Variants in VTI1B observed in about 807,000 individuals in gnomAD.
VTI1B encodes vesicle transport through interaction with t-SNAREs homolog 1B.
In VTI1B, 18 loss-of-function variants were observed where a neutral mutation model predicts 28.6. That is an observed-to-expected ratio of 0.63 (90% CI 0.43 to 0.93). The LOEUF is 0.93. Ranked by LOEUF, VTI1B falls within the 40% of genes least tolerant of loss-of-function variation. The probability of loss-of-function intolerance (pLI) is 0.00; values close to 1 mark genes in which losing one functional copy is unlikely to be tolerated. For missense variants in VTI1B, 283 were observed against 297.0 expected, an observed-to-expected ratio of 0.95 and a Z score of 0.35; for synonymous variants, 100 against 107.9, an observed-to-expected ratio of 0.93 and a Z score of 0.46.
At position 67,671,879 on chromosome 14, in the gene VTI1B, G is replaced by A. The variant is rs143569413; in HGVS notation, c.115+2496C>T. ...CTCTCAACAACCAAGCCACTCTCAG[G>A]ATAACAATCTAATCTCTGAGGATGG... On this transcript the variant is annotated intron_variant, in intron 1 of 5. Transcript: ENST00000554659. 3.3e-3 allele frequency among the ~76,000 whole-genome samples: 498 copies of A among 152,212 alleles called. 3 individuals are homozygous for A. Among genetic ancestry groups the A allele is most frequent in the African/African-American group, 0.012 (482 of 41,528 alleles).
At chr14:67,668,773 T>C (rs1211771298) in intron 1 of VTI1B, among the ~76,000 whole-genome samples, 1 of 152,212 alleles carries the variant, frequency 6.6e-6, no homozygotes, top group African/African-American at 2.4e-5. Context: ...AACTTTCTGA[T>C]TCAATAGGTC....
chr14:67,667,125 T>G (rs1016324933), intron 1 of VTI1B, among the ~76,000 whole-genome samples: 4 of 152,044 alleles, frequency 2.6e-5, no homozygotes, highest in Admixed American at 2.0e-4. Context: ...GGAAACTGGG[T>G]GGATGCTGAC....
intron 5 of VTI1B, 43 bp downstream of exon 5, chr14:67,653,394 G>A (rs1286815337): frequency 1.3e-6 from 2 of 1,574,242 alleles, no homozygotes; most frequent in African/African-American, 1.4e-5. Context: ...TTGGTTGAAA[G>A]CCACTGAGTT....
chr14:67,650,475 G>T lies in VTI1B; in HGVS notation c.*910C>A, dbSNP rs1375233162. 1.1e-5 allele frequency: 6 copies of T among 535,072 alleles called. No individual in the cohort carries two copies. In the East Asian group the frequency reaches 1.3e-4, roughly 11 times the overall value. 33.1% of individuals were successfully genotyped at this position (535,072 alleles called of 1,614,324 possible). On this transcript the variant is annotated 3_prime_UTR_variant, in exon 6 of 6. Transcript: ENST00000554659. ...TTATGCCTGTTATGTTAGTTGAACA[G>T]GGATGGTTTATTTCATTATCTTAAA...
chr14:67,667,987 T>G (rs529754116), intron 1 of VTI1B, among the ~76,000 whole-genome samples: 1 of 152,200 alleles, frequency 6.6e-6, no homozygotes, highest in Admixed American at 6.5e-5. Context: ...GGAGTTAGAA[T>G]AGTTAAAATT....
intron 3 of VTI1B, 83 bp downstream of exon 3, chr14:67,659,648 T>C (rs1008397312): frequency 1.0e-5 from 14 of 1,387,270 alleles, no homozygotes; most frequent in Admixed American, 2.5e-5. Flanking sequence ...ACTGATAACA[T>C]GAAATACCCC....
chr14:67,663,778 T>C (rs1360270395), intron 1 of VTI1B, among the ~76,000 whole-genome samples: 1 of 152,166 alleles, frequency 6.6e-6, no homozygotes, highest in Admixed American at 6.5e-5. Context: ...CTGGTAAACA[T>C]TTGTATGGGG....
At chr14:67,665,259 CT>C (rs574618223) in intron 1 of VTI1B, among the ~76,000 whole-genome samples, 12,897 of 126,388 alleles carry the variant, frequency 0.1, 789 homozygotes, top group African/African-American at 0.22. Context: ...TCAGTTATAT[CT>C]TTTTTTTTTT....
rs78438231 is a variant in VTI1B, at chr14:67,656,514, G to T, written c.442C>A (p.Arg148Ser). Residue 148 changes from arginine to serine, a missense_variant, in exon 4 of 6, where the codon CGT (arginine) becomes AGT (serine). Coordinates refer to ENST00000554659, the MANE Select transcript of VTI1B (RefSeq NM_006370.3). Reference protein sequence around the residue: ...SLNRATQSIERSHRIATETDQ... With the variant: ...SLNRATQSIESSHRIATETDQ... The stretch of plus-strand genomic sequence containing the variant: ...GTCTCTGTGGCAATCCGATGAGAAC[G>T]TTCAATACTTTGGGTGGCCCGGTTC... 4.3e-6 allele frequency: 7 copies of T among 1,613,882 alleles called. No homozygotes were observed. In the African/African-American group the frequency reaches 9.3e-5, roughly 22 times the overall value.
chr14:67,653,546 T>C lies in VTI1B; in HGVS notation c.541-48A>G, dbSNP rs1338261510. ...ATTTCCCTCTTTAAAAAGTATACTC[T>C]GTACAATTGAATATCCCTAGATTAA... is the stretch of plus-strand genomic sequence containing the variant. On this transcript the variant is annotated intron_variant, in intron 4 of 5. Transcript: ENST00000554659. The C allele has an allele frequency of 2.6e-6, 4 of 1,526,290 alleles. No homozygotes were observed. The East Asian group carries it at 9.0e-5, about 34-fold the overall frequency. 94.5% of individuals were successfully genotyped at this position (1,526,290 alleles called of 1,614,324 possible).
At chr14:67,656,316 A>G in intron 4 of VTI1B, 100 bp downstream of exon 4, 1 of 1,141,620 alleles carries the variant, frequency 8.8e-7, no homozygotes. Flanking sequence ...TATTCCCTGA[A>G]TACAGAACTG....
At position 67,659,864 on chromosome 14, in the gene VTI1B, A is replaced by C; in HGVS notation, c.233T>G (p.Met78Arg). The C allele has an allele frequency of 7.4e-6, 12 of 1,614,186 alleles. No homozygotes were observed. Among genetic ancestry groups the C allele is most frequent in the Non-Finnish European group, 1.0e-5 (12 of 1,180,030 alleles). Residue 78 changes from methionine to arginine, a missense_variant, in exon 3 of 6, where the codon ATG becomes AGG. Transcript: ENST00000554659. Reference protein sequence around the residue: ...YAPLSFRNPMMSKLRNYRKDL... With the variant: ...YAPLSFRNPMRSKLRNYRKDL... ...CTTCCGGTAGTTTCGAAGCTTAGAC[A>C]TCATGGGGTTTCGGAAAGACAGGGG...
In VTI1B at chr14:67,651,115, C is replaced by A; in HGVS notation, c.*270G>T. On this transcript the variant is annotated 3_prime_UTR_variant, in exon 6 of 6. Coordinates refer to ENST00000554659, the MANE Select transcript of VTI1B (RefSeq NM_006370.3). ...TAAATGTATTTGGTTTTTTGCAGTT[C>A]ACAGGGTATTAATATGCTACAGTAC... The A allele has an allele frequency of 1.1e-6, 1 of 914,630 alleles. No individual in the cohort carries two copies. Among genetic ancestry groups the A allele is most frequent in the Non-Finnish European group, 1.6e-6 (1 of 617,744 alleles). The allele number at this position is 914,630 out of a possible 1,614,324, so 56.7% of individuals were successfully genotyped here. A position where few individuals can be genotyped will look rare whatever the true frequency, so the allele number is the denominator to read the frequency against.
In VTI1B at chr14:67,650,569, C is replaced by A. The variant is rs1430137497; in HGVS notation, c.*816G>T. On this transcript the variant is annotated 3_prime_UTR_variant, in exon 6 of 6. Coordinates refer to ENST00000554659, the MANE Select transcript of VTI1B (RefSeq NM_006370.3). Reference sequence around the variant, plus strand: ...AATTCATGGCCAAGAGGATGAGGTGCAAGGGGCTTCCTAAAAATAGGTATT... The same window carrying A: ...AATTCATGGCCAAGAGGATGAGGTGAAAGGGGCTTCCTAAAAATAGGTATT... The A allele has an allele frequency of 3.0e-6, 2 of 674,846 alleles. No homozygotes were observed. The highest frequency in any genetic ancestry group is 5.2e-6 in the Non-Finnish European group (2 of 384,930). The allele number at this position is 674,846 out of a possible 1,614,324, so 41.8% of individuals were successfully genotyped here.
At chr14:67,661,566 T>G (rs978756929) in intron 2 of VTI1B, among the ~76,000 whole-genome samples, 2 of 133,720 alleles carry the variant, frequency 1.5e-5, no homozygotes, top group African/African-American at 5.7e-5. Context: ...CAGGTCTCAC[T>G]CTGTCACCCA....
intron 1 of VTI1B, among the ~76,000 whole-genome samples, chr14:67,667,842 G>A (rs554079705): frequency 3.3e-5 from 5 of 152,240 alleles, no homozygotes; most frequent in Admixed American, 3.3e-4. Context: ...TACTCGGGAG[G>A]CTGAGGCAGA....
intron 4 of VTI1B, among the ~76,000 whole-genome samples, chr14:67,655,967 C>T (rs1266799373): frequency 1.3e-5 from 2 of 152,120 alleles, no homozygotes; most frequent in African/African-American, 2.4e-5. Flanking sequence ...GCAAAGCGGC[C>T]GGGCACAGTG....
intron 5 of VTI1B, 145 bp from the exon 6 acceptor site, chr14:67,651,626 G>T: frequency 2.4e-6 from 2 of 849,288 alleles, no homozygotes; most frequent in Non-Finnish European, 3.5e-6. Context: ...GTACTCATAA[G>T]GTTCTTTAGC....
rs190788661 is a variant in VTI1B at position 67,673,173 on chromosome 14, T to C, written c.115+1202A>G. ...GCCTGGCCAACATGGCAAAACCCTG[T>C]CTCTACTAAAAATACAAAAATAATT... On this transcript the variant is annotated intron_variant, in intron 1 of 5. Coordinates refer to ENST00000554659, the MANE Select transcript of VTI1B (RefSeq NM_006370.3). Among the ~76,000 whole-genome samples the C allele has an allele frequency of 2.1e-3, 322 of 152,250 alleles. 6 individuals are homozygous for C. In the East Asian group the frequency reaches 0.052, roughly 25 times the overall value.
Sources: allele counts gnomAD v4.1 joint callset (sites outside exome capture counted in the v4.1 genomes callset), GRCh38; gene constraint gnomAD v4.1.1; transcripts MANE v1.5; gene names NCBI Gene and HGNC (gene_info 2026-07-23, HGNC 2026-07-21).